TSPO: variants seen among roughly 807,000 people sequenced by gnomAD.
The protein encoded by TSPO is benzodiazepine peripheral binding site.
Under a neutral mutation model 13.9 loss-of-function variants are expected in TSPO, and 14 were observed. That is an observed-to-expected ratio of 1.01 (90% CI 0.67 to 1.58). TSPO has a LOEUF of 1.58. Ranked by LOEUF, TSPO falls within the 40% of genes most tolerant of loss-of-function variation. The pLI, the probability that TSPO is intolerant of heterozygous loss-of-function variation, is 0.00. For missense variants in TSPO, 232 were observed against 229.6 expected, an observed-to-expected ratio of 1.01 and a Z score of -0.07; for synonymous variants, 114 against 105.9, an observed-to-expected ratio of 1.08 and a Z score of -0.47.
intron 1 of TSPO, 105 bp from the exon 2 acceptor site, chr22:43,159,105 C>T (rs1931346144): frequency 1.1e-6 from 1 of 886,714 alleles, no homozygotes; most frequent in African/African-American, 1.8e-5. Context: ...GATCAGCTGA[C>T]TGGTTGATCT....
At chr22:43,153,340 T>TC (rs1931148724) in intron 1 of TSPO, among the ~76,000 whole-genome samples, 1 of 21,788 alleles carries the variant, frequency 4.6e-5, no homozygotes, top group Non-Finnish European at 8.8e-5. Context: ...TGTTTTCTTT[T>TC]TTTTTTTTTT....
At chr22:43,154,041 C>T (rs926167477) in intron 1 of TSPO, among the ~76,000 whole-genome samples, 6 of 152,174 alleles carry the variant, frequency 3.9e-5, no homozygotes, top group African/African-American at 1.4e-4. Flanking sequence ...GAACCAATTC[C>T]CCCTGGATAC....
At chr22:43,156,223 C>A (rs761157213) in intron 1 of TSPO, among the ~76,000 whole-genome samples, 1 of 152,150 alleles carries the variant, frequency 6.6e-6, no homozygotes, top group Non-Finnish European at 1.5e-5. Flanking sequence ...AGCCACCATG[C>A]CTCTGTGACT....
chr22:43,161,476 C>G (rs952923412), intron 3 of TSPO, among the ~76,000 whole-genome samples: 4 of 151,984 alleles, frequency 2.6e-5, no homozygotes, highest in African/African-American at 9.7e-5. Flanking sequence ...ACTGGCCCCT[C>G]TACATAACAG....
chr22:43,156,814 G>C (rs1003586405), intron 1 of TSPO, among the ~76,000 whole-genome samples: 5 of 152,204 alleles, frequency 3.3e-5, no homozygotes, highest in African/African-American at 1.2e-4. Flanking sequence ...TATGCTGGTG[G>C]TATTAACCTT....
rs1303324163 is a variant in TSPO, at chr22:43,162,828, G to A, written c.347G>A (p.Ser116Asn). The A allele has an allele frequency of 1.3e-6, 2 of 1,585,440 alleles. No individual in the cohort carries two copies. Among genetic ancestry groups the A allele is most frequent in the East Asian group, 2.3e-5 (1 of 43,784 alleles). ...GCCTTGGTGGATCTCCTGCTGGTCA[G>A]TGGGGCGGCGGCAGCCACTACCGTG... is the stretch of plus-strand genomic sequence containing the variant. ...GWALVDLLLVSGAAAATTVAW... is the reference protein window; with the variant it reads ...GWALVDLLLVNGAAAATTVAW... The change falls in exon 4 of 4, where the codon AGT becomes AAT. Residue 116 changes from serine to asparagine, a missense_variant. Transcript: ENST00000337554.
At chr22:43,161,535 T>A (rs991542551) in intron 3 of TSPO, among the ~76,000 whole-genome samples, 1 of 152,040 alleles carries the variant, frequency 6.6e-6, no homozygotes, top group African/African-American at 2.4e-5. Context: ...TCACCCAGGC[T>A]GGAGTGCAGT....
chr22:43,159,119 G>C, intron 1 of TSPO, 91 bp from the exon 2 acceptor site: 1 of 1,040,596 alleles, frequency 9.6e-7, no homozygotes, highest in South Asian at 1.9e-5. Context: ...TTGATCTGTG[G>C]GTGACAGGCC....
At chr22:43,162,036 C>T (rs1296695175) in intron 3 of TSPO, among the ~76,000 whole-genome samples, 1 of 151,926 alleles carries the variant, frequency 6.6e-6, no homozygotes, top group Admixed American at 6.6e-5. Flanking sequence ...CTGCAGACTC[C>T]ACCTCCCAGG....
At position 43,162,944 on chromosome 22, in the gene TSPO, T is replaced by C; in HGVS notation, c.463T>C (p.Trp155Arg). ...CACGACCACACTCAACTACTGCGTA[T>C]GGCGGGACAACCATGGCTGGCGTGG... ...AFTTTLNYCVWRDNHGWRGGR... is the reference protein window; with the variant it reads ...AFTTTLNYCVRRDNHGWRGGR... The change falls in exon 4 of 4, where the codon TGG becomes CGG. Residue 155 changes from tryptophan (W) to arginine (R), a missense_variant. By Grantham distance (101) the Trp-to-Arg change is moderately radical. Coordinates refer to ENST00000337554, the MANE Select transcript of TSPO (RefSeq NM_000714.6). The C allele has an allele frequency of 6.3e-7, 1 of 1,598,836 alleles. No homozygotes were observed. Among genetic ancestry groups the C allele is most frequent in the Non-Finnish European group, 8.5e-7 (1 of 1,173,244 alleles).
chr22:43,156,472 C>T (rs1224070894), intron 1 of TSPO, among the ~76,000 whole-genome samples: 1 of 150,048 alleles, frequency 6.7e-6, no homozygotes, highest in African/African-American at 2.5e-5. Flanking sequence ...CTGCGTGATT[C>T]CATTGATACC....
intron 1 of TSPO, among the ~76,000 whole-genome samples, chr22:43,155,390 T>C (rs967210656): frequency 6.6e-6 from 1 of 152,132 alleles, no homozygotes; most frequent in Non-Finnish European, 1.5e-5. Context: ...TGGAACCTTC[T>C]CCTGCCTCTA....
chr22:43,156,873 G>A (rs1020021867), intron 1 of TSPO, among the ~76,000 whole-genome samples: 6 of 152,166 alleles, frequency 3.9e-5, no homozygotes, highest in African/African-American at 7.2e-5. Flanking sequence ...CATTAGTGTG[G>A]GGCAGGTGGG....
At chr22:43,152,552 G>A (rs1931105312) in intron 1 of TSPO, among the ~76,000 whole-genome samples, 1 of 152,270 alleles carries the variant, frequency 6.6e-6, no homozygotes, top group South Asian at 2.1e-4. Context: ...GTGGGGCCCG[G>A]GACAGGGCAG....
intron 1 of TSPO, chr22:43,151,885 C>T (rs1445596767): frequency 6.6e-6 from 1 of 152,246 alleles, no homozygotes. Context: ...CCCTTGGCCG[C>T]GTGGCTTCTC....
rs573722475 is a variant in TSPO at position 43,157,389 on chromosome 22, T to C, written c.-29-1821T>C. Among the ~76,000 whole-genome samples, 10 of 152,032 alleles carry C rather than the reference T, an allele frequency of 6.6e-5. 1 individual carries two copies. The highest frequency in any genetic ancestry group is 2.4e-4 in the African/African-American group (10 of 41,438). On this transcript the variant is annotated intron_variant, in intron 1 of 3. Transcript: ENST00000337554. ...AGGTCACATGCCCACCCCCCCAGAA[T>C]GTCCATCCTTACTGCTCATTTTTGC...
At chr22:43,153,015 T>C (rs1412804894) in intron 1 of TSPO, among the ~76,000 whole-genome samples, 1 of 152,114 alleles carries the variant, frequency 6.6e-6, no homozygotes, top group Non-Finnish European at 1.5e-5. Flanking sequence ...TCTTCCGTCC[T>C]TCCTTCCTCC....
Position 43,163,201 on chromosome 22 carries a change from C to A in TSPO, c.*210C>A. 19 of 1,392,288 alleles carry A rather than the reference C, an allele frequency of 1.4e-5. No individual in the cohort carries two copies. The highest frequency in any genetic ancestry group is 1.7e-5 in the Non-Finnish European group (18 of 1,063,522). The allele number at this position is 1,392,288 out of a possible 1,614,324, so 86.2% of individuals were successfully genotyped here. Reference sequence around the variant, plus strand: ...GCATGCTTAGAGCATGTTCTTGGAACATGGAATTTTATAAGCTGAATAAAG... The same window carrying A: ...GCATGCTTAGAGCATGTTCTTGGAAAATGGAATTTTATAAGCTGAATAAAG... On this transcript the variant is annotated 3_prime_UTR_variant, in exon 4 of 4. Transcript: ENST00000337554.
chr22:43,157,412 T>A (rs1409419976), intron 1 of TSPO, among the ~76,000 whole-genome samples: 3 of 152,032 alleles, frequency 2.0e-5, no homozygotes, highest in African/African-American at 7.3e-5. Context: ...TGCTCATTTT[T>A]GCAGCGACCT....
Sources: allele counts gnomAD v4.1 joint callset (sites outside exome capture counted in the v4.1 genomes callset), GRCh38; gene constraint gnomAD v4.1.1; transcripts MANE v1.5; gene names NCBI Gene and HGNC (gene_info 2026-07-23, HGNC 2026-07-21).